Variants in TECPR2 observed in about 807,000 individuals in gnomAD.
TECPR2 encodes the protein tectonin beta-propeller repeat containing 2, also known as tectonin beta-propeller repeat-containing protein 2.
Under a neutral mutation model 138.1 loss-of-function variants are expected in TECPR2, and 65 were observed. That is an observed-to-expected ratio of 0.47 (90% CI 0.39 to 0.58). TECPR2 has a LOEUF of 0.58. Among genes scored for constraint, TECPR2 ranks in the 20% least tolerant of loss-of-function variants. The pLI is 0.00. For missense variants in TECPR2, 1,553 were observed against 1,824.5 expected (o/e 0.85, Z 2.71); for synonymous variants, 746 against 749.8 (o/e 0.99, Z 0.08).
intron 2 of TECPR2, among the ~76,000 whole-genome samples, chr14:102,398,838 G>T (rs76343481): frequency 1.3e-5 from 2 of 151,964 alleles, no homozygotes; most frequent in East Asian, 1.9e-4. Context: ...CTGGCCTACC[G>T]AATGAGACCC....
chr14:102,442,358 G>C (rs1470779208), intron 11 of TECPR2, among the ~76,000 whole-genome samples: 1 of 152,234 alleles, frequency 6.6e-6, no homozygotes, highest in East Asian at 1.9e-4. Flanking sequence ...CTCTCTCCTA[G>C]CTGTGTAAGA....
Position 102,434,670 on chromosome 14 carries a change from AG to A in TECPR2, c.1855del (p.Asp619ThrfsTer27), listed in dbSNP as rs1352740721. On this transcript the variant is annotated frameshift_variant, in exon 9 of 20. Coordinates refer to ENST00000359520, the MANE Select transcript of TECPR2 (RefSeq NM_014844.5). LOFTEE classifies it high-confidence loss of function. ...AGCACACAGTTACCCTTCCAAGAAC[AG>A]GACAGCTCTCCTGGGGCGCATGATG... Reference protein sequence around the residue: ...PNSTQLPFQEQDSSPGAHDGE... With the variant: ...PNSTQLPFQEXDSSPGAHDGE... The A allele has an allele frequency of 6.2e-7, 1 of 1,610,366 alleles. No individual in the cohort carries two copies. The highest frequency in any genetic ancestry group is 8.5e-7 in the Non-Finnish European group (1 of 1,177,514).
chr14:102,396,637 A>C (rs1888322964), intron 2 of TECPR2, among the ~76,000 whole-genome samples: 1 of 152,132 alleles, frequency 6.6e-6, no homozygotes, highest in Non-Finnish European at 1.5e-5. Context: ...ACTATTTTGG[A>C]ACTCGGAAGT....
Position 102,498,205 on chromosome 14 carries a change from A to G in TECPR2, c.4184A>G (p.Gln1395Arg). The change falls in exon 20 of 20, where the codon CAG (glutamine) becomes CGG (arginine). Residue 1395 changes from glutamine to arginine, a missense_variant. By Grantham distance (43) the Gln-to-Arg change is conservative (BLOSUM62 1). Coordinates refer to ENST00000359520, the MANE Select transcript of TECPR2 (RefSeq NM_014844.5). The stretch of plus-strand genomic sequence containing the variant: ...TCGCACGGCACCCAGAAGAGCAGCC[A>G]GGCCGCCATGCCCCACCCTGAGGAC... ...SHSHGTQKSSQAAMPHPEDLE... is the reference protein window; with the variant it reads ...SHSHGTQKSSRAAMPHPEDLE... 6.2e-7 allele frequency: 1 copy of G among 1,608,758 alleles called. No homozygotes were observed. The highest frequency in any genetic ancestry group is 8.5e-7 in the Non-Finnish European group (1 of 1,179,982).
At chr14:102,492,682 C>T (rs1891183644) in intron 17 of TECPR2, among the ~76,000 whole-genome samples, 1 of 152,164 alleles carries the variant, frequency 6.6e-6, no homozygotes. Flanking sequence ...CACAGGGGCC[C>T]TTCCCAGAGG....
rs537088984 is a variant in TECPR2, at chr14:102,475,614, T to C, written c.3789+10325T>C. ...AAAGCAAGACTCCGAAGAATCAAAC[T>C]GTTTCAGAGTAACTTACCAGCATCT... On this transcript the variant is annotated intron_variant, in intron 17 of 19. Coordinates refer to ENST00000359520, the MANE Select transcript of TECPR2 (RefSeq NM_014844.5). Among the ~76,000 whole-genome samples the C allele has an allele frequency of 2.0e-5, 3 of 152,274 alleles. No individual in the cohort carries two copies. The South Asian group carries it at 6.2e-4, about 32-fold the overall frequency.
intron 16 of TECPR2, among the ~76,000 whole-genome samples, chr14:102,453,353 G>A (rs1031711960): frequency 1.3e-5 from 2 of 148,876 alleles, no homozygotes; most frequent in Non-Finnish European, 1.5e-5. Context: ...GGCAGTGCAC[G>A]CCTGTAGTCT....
At chr14:102,493,395 C>T (rs758120051) in intron 17 of TECPR2, among the ~76,000 whole-genome samples, 7 of 152,192 alleles carry the variant, frequency 4.6e-5, no homozygotes, top group South Asian at 4.1e-4. Context: ...GCCTCAGCCT[C>T]GGCCTCAGCT....
chr14:102,450,946 T>G (rs983118201), intron 15 of TECPR2, among the ~76,000 whole-genome samples: 1 of 152,226 alleles, frequency 6.6e-6, no homozygotes, highest in Non-Finnish European at 1.5e-5. Flanking sequence ...TGACTTCCAG[T>G]GGCACATGGC....
intron 17 of TECPR2, among the ~76,000 whole-genome samples, chr14:102,475,893 G>A (rs925854038): frequency 7.2e-5 from 11 of 152,126 alleles, no homozygotes; most frequent in Non-Finnish European, 1.3e-4. Flanking sequence ...GATTCAGCCT[G>A]TTAAGTAGAA....
intron 2 of TECPR2, among the ~76,000 whole-genome samples, chr14:102,407,059 C>A (rs1475825453): frequency 6.6e-6 from 1 of 152,094 alleles, no homozygotes; most frequent in Non-Finnish European, 1.5e-5. Context: ...GGGGTTTCGC[C>A]ATGTTGGCCA....
intron 10 of TECPR2, among the ~76,000 whole-genome samples, chr14:102,438,650 C>T (rs1188294120): frequency 6.6e-6 from 1 of 152,222 alleles, no homozygotes; most frequent in East Asian, 1.9e-4. Flanking sequence ...AATTATTTGG[C>T]TTCCTCTTTA....
chr14:102,489,008 G>A (rs1241943792), intron 17 of TECPR2, among the ~76,000 whole-genome samples: 11 of 151,660 alleles, frequency 7.3e-5, no homozygotes, highest in Admixed American at 1.3e-4. Flanking sequence ...TCAGCCTCCC[G>A]AGACACTAGG....
At position 102,499,548 on chromosome 14, in the gene TECPR2, C is replaced by A; in HGVS notation, c.*1291C>A. ...TGCGGGCTGGCTCCGAGTGGCAGCC[C>A]ATGCCTTCTGCGGGGTATGGGTTGA... On this transcript the variant is annotated 3_prime_UTR_variant, in exon 20 of 20. Transcript: ENST00000359520. The A allele has an allele frequency of 2.5e-6, 1 of 393,402 alleles. No individual in the cohort carries two copies. Among genetic ancestry groups the A allele is most frequent in the South Asian group, 2.6e-5 (1 of 37,762 alleles). The allele number at this position is 393,402 out of a possible 1,614,324, so 24.4% of individuals were successfully genotyped here.
chr14:102,368,189 G>C (rs1246102079), intron 1 of TECPR2, among the ~76,000 whole-genome samples: 1 of 151,242 alleles, frequency 6.6e-6, no homozygotes, highest in Non-Finnish European at 1.5e-5. Flanking sequence ...TTGTGTTTTT[G>C]GTAGAGACAG....
rs552939228 is a variant in TECPR2, at chr14:102,499,301, G to A, written c.*1044G>A. ...AAAACCAGATGCATCCTCAGAGGAC[G>A]AGTCTACTAATTATTGCCTTTGTTG... On this transcript the variant is annotated 3_prime_UTR_variant, in exon 20 of 20. Coordinates refer to ENST00000359520, the MANE Select transcript of TECPR2 (RefSeq NM_014844.5). 1.3e-5 allele frequency: 8 copies of A among 623,306 alleles called. No homozygotes were observed. The highest frequency in any genetic ancestry group is 5.5e-5 in the East Asian group (2 of 36,382). The allele number at this position is 623,306 out of a possible 1,614,324, so 38.6% of individuals were successfully genotyped here.
At chr14:102,446,933 G>A (rs894398925) in intron 13 of TECPR2, among the ~76,000 whole-genome samples, 2 of 152,132 alleles carry the variant, frequency 1.3e-5, no homozygotes, top group African/African-American at 2.4e-5. Context: ...TGAGAAAAGA[G>A]CCCAGATAAT....
At position 102,434,266 on chromosome 14, in the gene TECPR2, C is replaced by T. The variant is rs1381970316; in HGVS notation, c.1449C>T (p.Ser483=). Residue 483 remains serine, a synonymous_variant, in exon 9 of 20, where the codon TCC becomes TCT. Transcript: ENST00000359520. ...GAAGCAGGAGCACCTGTCACAGCTC[C>T]CTGGAATCGACACCCTGCTCCGAAT... ...EGGSRSTCHS[S]LESTPCSEFP... is the part of the protein sequence containing the mutation. 2.2e-6 allele frequency: 3 copies of T among 1,383,466 alleles called. No individual in the cohort carries two copies. The highest frequency in any genetic ancestry group is 4.8e-5 in the South Asian group (2 of 41,338). The allele number at this position is 1,383,466 out of a possible 1,614,324, so 85.7% of individuals were successfully genotyped here. A position where few individuals can be genotyped will look rare whatever the true frequency, so the allele number is the denominator to read the frequency against.
At chr14:102,436,645 C>A (rs562982784) in intron 9 of TECPR2, among the ~76,000 whole-genome samples, 1 of 152,150 alleles carries the variant, frequency 6.6e-6, no homozygotes, top group Admixed American at 6.5e-5. Context: ...TTCAGTCATC[C>A]GGCATTTATC....
Sources: gnomAD v4.1 joint callset for allele counts (sites outside exome capture counted in the v4.1 genomes callset) on GRCh38, gnomAD v4.1.1 for gene constraint, MANE v1.5 for transcripts, NCBI Gene and HGNC (gene_info 2026-07-23, HGNC 2026-07-21) for gene names.